CCDC47: variants seen among roughly 807,000 people sequenced by gnomAD.
CCDC47 encodes coiled-coil domain containing 47, also known as PAT complex subunit CCDC47.
In CCDC47, 41 loss-of-function variants were observed where a neutral mutation model predicts 60.5. The observed-to-expected ratio is 0.68, with a 90% CI of 0.53 to 0.88. The LOEUF is 0.88. Ranked by LOEUF, CCDC47 falls within the 40% of genes least tolerant of loss-of-function variation. CCDC47 has a pLI of 0.00. For synonymous variants in CCDC47, 195 were observed against 190.7 expected (o/e 1.02, Z -0.18); for missense variants, 513 against 580.9 (o/e 0.88, Z 1.20).
In CCDC47 at chr17:63,752,494, CTCTT is replaced by C. The variant is rs1323823785; in HGVS notation, c.1094-69_1094-66del. 8.9e-6 allele frequency: 10 copies of C among 1,126,314 alleles called. No individual in the cohort carries two copies. The African/African-American group carries it at 1.6e-4, about 18-fold the overall frequency. 69.8% of individuals were successfully genotyped at this position (1,126,314 alleles called of 1,614,324 possible). A position where few individuals can be genotyped will look rare whatever the true frequency, so the allele number is the denominator to read the frequency against. ...GCATTAATATTTCCAGGTCACCCAA[CTCTT>C]TTTTTTTTTTAATCTTAAGAGACTC... On this transcript the variant is annotated intron_variant, in intron 10 of 12. Transcript: ENST00000225726.
chr17:63,759,553 A>ATATATATT (rs2039238924), intron 6 of CCDC47, among the ~76,000 whole-genome samples: 3 of 83,804 alleles, frequency 3.6e-5, no homozygotes, highest in Non-Finnish European at 6.8e-5. Flanking sequence ...ATATATATAT[A>ATATATATT]TATATATATA....
At chr17:63,748,356 A>G (rs1598303924) in intron 12 of CCDC47, among the ~76,000 whole-genome samples, 1 of 152,128 alleles carries the variant, frequency 6.6e-6, no homozygotes, top group East Asian at 1.9e-4. Flanking sequence ...CAAGTGATCT[A>G]CCTGCCTCGG....
At chr17:63,767,669 G>A (rs1415473935) in intron 1 of CCDC47, among the ~76,000 whole-genome samples, 1 of 151,784 alleles carries the variant, frequency 6.6e-6, no homozygotes, top group Non-Finnish European at 1.5e-5. Context: ...AAATATTCTA[G>A]GCTTCATGGG....
At chr17:63,748,135 G>A (rs1411190368) in intron 12 of CCDC47, among the ~76,000 whole-genome samples, 3 of 151,574 alleles carry the variant, frequency 2.0e-5, no homozygotes, top group East Asian at 1.9e-4. Context: ...GATTACAGGC[G>A]TGAGCCAATG....
Position 63,752,333 on chromosome 17 carries a change from C to T in CCDC47, c.1190G>A (p.Arg397Gln), listed in dbSNP as rs752674178. 7.4e-6 allele frequency: 12 copies of T among 1,611,838 alleles called. No individual in the cohort carries two copies. The highest frequency in any genetic ancestry group is 1.0e-5 in the Non-Finnish European group (12 of 1,178,258). ...ATTGGGTCTTACTTCTCTGTTGAGTCGGAACTTTTTGGCTTTATCAATAGA... is the reference window on the plus strand; with the variant it reads ...ATTGGGTCTTACTTCTCTGTTGAGTTGGAACTTTTTGGCTTTATCAATAGA... ...IYSIDKAKKF[R>Q]LNREGKQKAD... is the part of the protein sequence containing the mutation. Residue 397 changes from arginine (R) to glutamine (Q), a missense_variant, in exon 11 of 13, where the codon CGA becomes CAA. Transcript: ENST00000225726.
At chr17:63,750,772 A>G (rs2039157035) in intron 12 of CCDC47, among the ~76,000 whole-genome samples, 2 of 152,072 alleles carry the variant, frequency 1.3e-5, no homozygotes, top group African/African-American at 4.8e-5. Flanking sequence ...TGTTTTTAGT[A>G]GAGACGGGGT....
At chr17:63,761,405 G>A (rs987612784) in intron 4 of CCDC47, 54 bp from the exon 5 acceptor site, 2 of 1,607,778 alleles carry the variant, frequency 1.2e-6, no homozygotes, top group Non-Finnish European at 1.7e-6. Context: ...GGCCGGGCCG[G>A]GGGTGGTGGC....
At position 63,752,364 on chromosome 17, in the gene CCDC47, T is replaced by A; in HGVS notation, c.1159A>T (p.Ile387Phe). ...EALLPLMNMV[I>F]YSIDKAKKFR... ...TTTTTGGCTTTATCAATAGAATAAA[T>A]CACCATGTTCATCAGGGGTAGCAGT... Residue 387 changes from isoleucine (I) to phenylalanine (F), a missense_variant, in exon 11 of 13, where the codon ATT becomes TTT. Coordinates refer to ENST00000225726, the MANE Select transcript of CCDC47 (RefSeq NM_020198.3). 6.2e-7 allele frequency: 1 copy of A among 1,613,994 alleles called. No homozygotes were observed. The highest frequency in any genetic ancestry group is 2.2e-5 in the East Asian group (1 of 44,876).
At chr17:63,759,552 TA>T (rs2039238826) in intron 6 of CCDC47, among the ~76,000 whole-genome samples, 2 of 35,328 alleles carry the variant, frequency 5.7e-5, no homozygotes, top group Admixed American at 3.5e-4. Flanking sequence ...TATATATATA[TA>T]TATATATATA....
intron 1 of CCDC47, among the ~76,000 whole-genome samples, chr17:63,771,009 A>AAGGAAGG (rs1568253128): frequency 1.4e-3 from 98 of 69,152 alleles, no homozygotes; most frequent in African/African-American, 5.1e-3. Context: ...AGAAAGAAAG[A>AAGGAAGG]AAGAAAGGAA....
At chr17:63,765,423 C>A (rs1473198953) in intron 2 of CCDC47, among the ~76,000 whole-genome samples, 3 of 152,094 alleles carry the variant, frequency 2.0e-5, no homozygotes, top group Non-Finnish European at 4.4e-5. Flanking sequence ...TCACTGCAAC[C>A]TCCACCTCCC....
At chr17:63,768,732 T>TA (rs1207458180) in intron 1 of CCDC47, among the ~76,000 whole-genome samples, 8 of 150,898 alleles carry the variant, frequency 5.3e-5, no homozygotes, top group African/African-American at 1.5e-4. Flanking sequence ...CCCAAGTAAT[T>TA]AAAAAAAAAT....
intron 12 of CCDC47, 142 bp downstream of exon 12, chr17:63,751,798 T>C: frequency 1.3e-6 from 1 of 758,072 alleles, no homozygotes; most frequent in Non-Finnish European, 2.1e-6. Context: ...TTCTTCTTTA[T>C]AGTGTTATCA....
In CCDC47 at chr17:63,746,734, CCAAA is replaced by C. The variant is rs1294838343; in HGVS notation, c.*143_*146del. 2.6e-5 allele frequency: 16 copies of C among 619,922 alleles called. No homozygotes were observed. Among genetic ancestry groups the C allele is most frequent in the African/African-American group, 1.3e-4 (7 of 54,408 alleles). 38.4% of individuals were successfully genotyped at this position (619,922 alleles called of 1,614,324 possible). On this transcript the variant is annotated 3_prime_UTR_variant, in exon 13 of 13. Coordinates refer to ENST00000225726, the MANE Select transcript of CCDC47 (RefSeq NM_020198.3). ...TTCAATCTCTGTAAAACCCCAAACC[CCAAA>C]CAGAGTAGATGATGAAATAAGGATT...
intron 3 of CCDC47, among the ~76,000 whole-genome samples, 157 bp downstream of exon 3, chr17:63,764,583 G>A (rs560053525): frequency 5.3e-5 from 8 of 151,006 alleles, no homozygotes; most frequent in African/African-American, 7.3e-5. Flanking sequence ...TTTTTGAGAC[G>A]GAGAGGTGTT....
At chr17:63,747,910 A>G (rs1275932654) in intron 12 of CCDC47, 3 of 412,066 alleles carry the variant, frequency 7.3e-6, no homozygotes, top group African/African-American at 6.5e-5. Flanking sequence ...GCTGGAGTGC[A>G]GTGGCACAAT....
chr17:63,751,740 A>C, intron 12 of CCDC47, 200 bp downstream of exon 12: 4 of 639,272 alleles, frequency 6.3e-6, no homozygotes, highest in Non-Finnish European at 1.1e-5. Context: ...ATAATTTTTC[A>C]CGTTCACAGA....
rs777040718 is a variant in CCDC47, at chr17:63,766,184, G to C, written c.-9C>G. ...GTGTGGAAGGCTTTCATTGCACCTTGAGAAAAAAAGCTTAAAAAAAAAGAG... is the reference window on the plus strand; with the variant it reads ...GTGTGGAAGGCTTTCATTGCACCTTCAGAAAAAAAGCTTAAAAAAAAAGAG... On this transcript the variant is annotated 5_prime_UTR_variant, in exon 2 of 13. Coordinates refer to ENST00000225726, the MANE Select transcript of CCDC47 (RefSeq NM_020198.3). 1 of 1,588,236 alleles carries C rather than the reference G, an allele frequency of 6.3e-7. No homozygotes were observed. Among genetic ancestry groups the C allele is most frequent in the Non-Finnish European group, 8.5e-7 (1 of 1,171,508 alleles).
At chr17:63,747,096 C>T in intron 12 of CCDC47, 135 bp from the exon 13 acceptor site, 1 of 1,384,666 alleles carries the variant, frequency 7.2e-7, no homozygotes, top group South Asian at 1.8e-5. Context: ...TAGGCTTGCA[C>T]CATAACATTC....
Sources: allele counts gnomAD v4.1 joint callset (sites outside exome capture counted in the v4.1 genomes callset), GRCh38; gene constraint gnomAD v4.1.1; transcripts MANE v1.5; gene names NCBI Gene and HGNC (gene_info 2026-07-23, HGNC 2026-07-21).